Variants in ZFHX4 observed in about 807,000 individuals in gnomAD.
ZFHX4 encodes zinc finger homeobox 4, also known as zinc finger homeobox protein 4.
Under a neutral mutation model 267.6 loss-of-function variants are expected in ZFHX4, and 56 were observed. The observed-to-expected ratio is 0.21, with a 90% CI of 0.17 to 0.26. The LOEUF (loss-of-function observed/expected upper bound fraction) is 0.26, where lower values mean the gene tolerates loss of function less well. Among genes scored for constraint, ZFHX4 ranks in the 10% least tolerant of loss-of-function variants. The pLI is 1.00. For missense variants in ZFHX4, 4,332 were observed against 4,420.0 expected, an observed-to-expected ratio of 0.98 and a Z score of 0.56; for synonymous variants, 1,778 against 1,665.6, an observed-to-expected ratio of 1.07 and a Z score of -1.64.
At chr8:76,760,928 CAAAAAAAAA>C (rs771069673) in intron 3 of ZFHX4, among the ~76,000 whole-genome samples, 2 of 64,134 alleles carry the variant, frequency 3.1e-5, no homozygotes, top group African/African-American at 1.0e-4. Flanking sequence ...GACCCTGCCT[CAAAAAAAAA>C]AAAAAAAAAA....
In ZFHX4 at chr8:76,853,995, A is replaced by C. The variant is rs1162852417; in HGVS notation, c.7074A>C (p.Gln2358His). 4 of 1,613,912 alleles carry C rather than the reference A, an allele frequency of 2.5e-6. No homozygotes were observed. Among genetic ancestry groups the C allele is most frequent in the Non-Finnish European group, 3.4e-6 (4 of 1,179,866 alleles). Residue 2358 changes from glutamine to histidine, a missense_variant, in exon 10 of 11, where the codon CAA becomes CAC. By Grantham distance (24) the Gln-to-His change is conservative. This residue lies in a region of ZFHX4 where 1,648 missense variants were observed against 1,625.0 expected (regional missense o/e 1.01). Transcript: ENST00000651372. ...AAGACTCCATGGATGCCACTGATCA[A>C]GTGGTATACAAGCATTGCACAGTGT... ...QTEDSMDATD[Q>H]VVYKHCTVSG...
At chr8:76,750,058 C>G (rs1365362960) in intron 3 of ZFHX4, among the ~76,000 whole-genome samples, 1 of 152,026 alleles carries the variant, frequency 6.6e-6, no homozygotes, top group Admixed American at 6.6e-5. Context: ...ATGTTTTGTC[C>G]TAGGTTTAAA....
At chr8:76,811,919 C>T (rs1229250622) in intron 4 of ZFHX4, among the ~76,000 whole-genome samples, 1 of 151,860 alleles carries the variant, frequency 6.6e-6, no homozygotes. Flanking sequence ...AGCGAAATTC[C>T]GTCTCAAAAA....
intron 3 of ZFHX4, among the ~76,000 whole-genome samples, chr8:76,709,852 A>G (rs1808379532): frequency 6.6e-6 from 1 of 151,478 alleles, no homozygotes; most frequent in Admixed American, 6.6e-5. Context: ...CATTCATTCC[A>G]TAAGCAGGGA....
chr8:76,790,286 G>A (rs1168024121), intron 4 of ZFHX4, among the ~76,000 whole-genome samples: 1 of 151,974 alleles, frequency 6.6e-6, no homozygotes, highest in Non-Finnish European at 1.5e-5. Context: ...CAAATTGAGG[G>A]GGAAATTATT....
intron 3 of ZFHX4, among the ~76,000 whole-genome samples, chr8:76,758,466 G>A (rs1036406634): frequency 2.0e-5 from 3 of 151,920 alleles, no homozygotes; most frequent in Non-Finnish European, 4.4e-5. Flanking sequence ...TTGGGCAAAT[G>A]TTATCATAAA....
At chr8:76,713,666 G>A (rs892631997) in intron 3 of ZFHX4, among the ~76,000 whole-genome samples, 18 of 152,126 alleles carry the variant, frequency 1.2e-4, no homozygotes, top group African/African-American at 4.3e-4. Context: ...CAGAAAACTA[G>A]CGTTCTTTTA....
chr8:76,847,241 A>G (rs964905516), intron 6 of ZFHX4, among the ~76,000 whole-genome samples: 5 of 152,164 alleles, frequency 3.3e-5, no homozygotes, highest in South Asian at 2.1e-4. Flanking sequence ...AAAGAAACAT[A>G]TATTTTTTGA....
Position 76,852,276 on chromosome 8 carries a change from A to G in ZFHX4, c.5355A>G (p.Gln1785=), listed in dbSNP as rs1159081735. ...ACCTAAAGCAGCAGATTCAAACCCA[A>G]CATCACGTTGGTCAAACTCAACTCC... ...LEDLKQQIQT[Q]HHVGQTQLQI... is the part of the protein sequence containing the mutation. Residue 1785 remains glutamine, a synonymous_variant, in exon 10 of 11, where the codon CAA becomes CAG. Transcript: ENST00000651372. 2 of 1,580,242 alleles carry G rather than the reference A, an allele frequency of 1.3e-6. No individual in the cohort carries two copies. The highest frequency in any genetic ancestry group is 2.7e-5 in the African/African-American group (2 of 74,264).
At chr8:76,833,299 T>G (rs1445711687) in intron 4 of ZFHX4, 39 bp from the exon 5 acceptor site, 1 of 1,568,610 alleles carries the variant, frequency 6.4e-7, no homozygotes, top group Admixed American at 1.7e-5. Context: ...GAGCTGGATA[T>G]GGCATGCTGA....
intron 3 of ZFHX4, among the ~76,000 whole-genome samples, chr8:76,729,039 A>G (rs1808930231): frequency 6.6e-6 from 1 of 152,204 alleles, no homozygotes. Context: ...TTGGTACATC[A>G]ACTTTCTTTC....
intron 3 of ZFHX4, among the ~76,000 whole-genome samples, chr8:76,748,751 A>G (rs1046945418): frequency 6.6e-5 from 10 of 151,876 alleles, no homozygotes; most frequent in Non-Finnish European, 5.9e-5. Flanking sequence ...TTACACCACT[A>G]TAACAGCCTC....
chr8:76,719,727 T>C (rs369254625), intron 3 of ZFHX4, among the ~76,000 whole-genome samples: 29 of 152,250 alleles, frequency 1.9e-4, no homozygotes, highest in African/African-American at 6.3e-4. Flanking sequence ...TCCTTGAAAT[T>C]CAGAGTATTA....
intron 4 of ZFHX4, among the ~76,000 whole-genome samples, chr8:76,786,311 A>G (rs554409775): frequency 6.6e-6 from 1 of 151,316 alleles, no homozygotes; most frequent in Non-Finnish European, 1.5e-5. Context: ...CTTTTCCTTC[A>G]CTAGCTATCA....
chr8:76,711,848 G>A (rs1182736903), intron 3 of ZFHX4, among the ~76,000 whole-genome samples: 1 of 152,148 alleles, frequency 6.6e-6, no homozygotes, highest in African/African-American at 2.4e-5. Flanking sequence ...AGTTTAGTTT[G>A]TTCTTGGCTC....
At chr8:76,752,548 G>A (rs1259374845) in intron 3 of ZFHX4, among the ~76,000 whole-genome samples, 1 of 150,562 alleles carries the variant, frequency 6.6e-6, no homozygotes, top group East Asian at 1.9e-4. Flanking sequence ...GCACATGCCT[G>A]TAATCTCAGC....
At chr8:76,706,964 C>G (rs1263199128) in intron 2 of ZFHX4, among the ~76,000 whole-genome samples, 3 of 152,174 alleles carry the variant, frequency 2.0e-5, no homozygotes, top group Non-Finnish European at 4.4e-5. Context: ...TAATTGCCTG[C>G]CATCATTAGC....
At chr8:76,731,097 C>T (rs1011722775) in intron 3 of ZFHX4, among the ~76,000 whole-genome samples, 7 of 152,104 alleles carry the variant, frequency 4.6e-5, no homozygotes, top group African/African-American at 1.4e-4. Context: ...CTGACGCTAC[C>T]CATCTGGGGC....
chr8:76,708,164 G>A (rs745473008), intron 3 of ZFHX4, 116 bp downstream of exon 3: 3 of 1,266,600 alleles, frequency 2.4e-6, no homozygotes, highest in Non-Finnish European at 3.4e-6. Context: ...ACATCAAAGG[G>A]CAGGGGGCAC....
Sources: gnomAD v4.1 joint callset for allele counts (sites outside exome capture counted in the v4.1 genomes callset) on GRCh38, gnomAD v4.1.1 for gene constraint, gnomAD v4.1.1 regional missense constraint, MANE v1.5 for transcripts, NCBI Gene and HGNC (gene_info 2026-07-23, HGNC 2026-07-21) for gene names.